HECW1: variants seen among roughly 807,000 people sequenced by gnomAD.
The protein encoded by HECW1 is E3 ubiquitin-protein ligase HECW1.
Under a neutral mutation model 182.3 loss-of-function variants are expected in HECW1, and 61 were observed. That is an observed-to-expected ratio of 0.33 (90% CI 0.27 to 0.41). The LOEUF (loss-of-function observed/expected upper bound fraction) is 0.41, where lower values mean the gene tolerates loss of function less well. Among genes scored for constraint, HECW1 ranks in the 10% least tolerant of loss-of-function variants. The pLI is 1.00. For missense variants in HECW1, 1,739 were observed against 2,108.9 expected (o/e 0.82, Z 3.44); for synonymous variants, 859 against 832.6 (o/e 1.03, Z -0.55).
At chr7:43,280,708 C>T (rs989165427) in intron 3 of HECW1, among the ~76,000 whole-genome samples, 28 of 152,170 alleles carry the variant, frequency 1.8e-4, no homozygotes, top group Non-Finnish European at 3.5e-4. Context: ...GGCTCATTCC[C>T]TTTACAACTT....
intron 24 of HECW1, among the ~76,000 whole-genome samples, chr7:43,510,455 T>C (rs2079808987): frequency 6.6e-6 from 1 of 152,198 alleles, no homozygotes; most frequent in South Asian, 2.1e-4. Flanking sequence ...TTAACAATTA[T>C]AAATTAAGCA....
rs549192364 is a variant in HECW1 at position 43,169,990 on chromosome 7, C to T, written c.-32+55599C>T. On this transcript the variant is annotated intron_variant, in intron 2 of 29. Transcript: ENST00000395891. ...CTGCCAACATCGTCTTTATCAGAACCGCTGGACAGATCATTTAATGCAGGG... is the reference window on the plus strand; with the variant it reads ...CTGCCAACATCGTCTTTATCAGAACTGCTGGACAGATCATTTAATGCAGGG... 2.6e-5 allele frequency among the ~76,000 whole-genome samples: 4 copies of T among 152,256 alleles called. No homozygotes were observed. The East Asian group carries it at 5.8e-4, about 22-fold the overall frequency.
intron 2 of HECW1, chr7:43,118,944 A>G (rs1421275328): frequency 6.6e-6 from 1 of 152,164 alleles, no homozygotes; most frequent in African/African-American, 2.4e-5. Context: ...TTTCTTTTTA[A>G]AGAATATGCT....
intron 3 of HECW1, among the ~76,000 whole-genome samples, chr7:43,305,049 T>A (rs889622540): frequency 6.6e-6 from 1 of 152,128 alleles, no homozygotes; most frequent in Non-Finnish European, 1.5e-5. Flanking sequence ...AGTGGAAGCT[T>A]TGGGGTAAAG....
intron 3 of HECW1, among the ~76,000 whole-genome samples, chr7:43,310,691 A>G (rs1020750018): frequency 2.0e-5 from 3 of 152,214 alleles, no homozygotes; most frequent in African/African-American, 7.2e-5. Context: ...ATCTAACTGA[A>G]AGAGTAGACT....
intron 12 of HECW1, among the ~76,000 whole-genome samples, chr7:43,452,757 G>A (rs1003738895): frequency 2.6e-5 from 4 of 152,332 alleles, no homozygotes; most frequent in African/African-American, 4.8e-5. Flanking sequence ...CTCTGAGTTC[G>A]TGTGGGGGTG....
At chr7:43,288,716 G>T (rs1443239528) in intron 3 of HECW1, among the ~76,000 whole-genome samples, 3 of 152,266 alleles carry the variant, frequency 2.0e-5, no homozygotes, top group Middle Eastern at 3.4e-3. Context: ...CAAAGGTTTT[G>T]TTGTCATTAT....
intron 17 of HECW1, among the ~76,000 whole-genome samples, chr7:43,489,919 C>G (rs949697690): frequency 1.1e-4 from 16 of 152,194 alleles, no homozygotes; most frequent in African/African-American, 3.6e-4. Flanking sequence ...AGCACTGGTC[C>G]TCATCACCTT....
chr7:43,384,388 T>C (rs2074683903), intron 6 of HECW1, among the ~76,000 whole-genome samples: 1 of 152,204 alleles, frequency 6.6e-6, no homozygotes, highest in Non-Finnish European at 1.5e-5. Flanking sequence ...CTGGAGGGAA[T>C]GTGGCAGCTG....
intron 23 of HECW1, 48 bp from the exon 24 acceptor site, chr7:43,508,921 C>T (rs759878646): frequency 1.3e-6 from 2 of 1,598,504 alleles, no homozygotes; most frequent in South Asian, 2.3e-5. Flanking sequence ...CAGGTCCCCC[C>T]ACCTCCGGGC....
At chr7:43,317,226 A>G (rs1475454311) in intron 4 of HECW1, among the ~76,000 whole-genome samples, 1 of 152,136 alleles carries the variant, frequency 6.6e-6, no homozygotes, top group Non-Finnish European at 1.5e-5. Context: ...CTGGACACCA[A>G]CAGGCAGTGG....
chr7:43,429,206 G>C (rs1473473370), intron 8 of HECW1, among the ~76,000 whole-genome samples: 2 of 146,886 alleles, frequency 1.4e-5, no homozygotes, highest in Admixed American at 1.4e-4. Context: ...GGAGAGAGAT[G>C]GTGAAGGCTT....
intron 24 of HECW1, among the ~76,000 whole-genome samples, chr7:43,535,011 A>T (rs1365624548): frequency 6.6e-6 from 1 of 152,220 alleles, no homozygotes; most frequent in East Asian, 1.9e-4. Flanking sequence ...AGTAGGTGCC[A>T]ATATGATTCC....
intron 5 of HECW1, among the ~76,000 whole-genome samples, chr7:43,334,891 A>G (rs1811928957): frequency 6.6e-6 from 1 of 152,186 alleles, no homozygotes; most frequent in Admixed American, 6.5e-5. Context: ...AGAAATTTGG[A>G]CCTACAGACA....
chr7:43,265,091 A>T (rs547025566), intron 3 of HECW1, among the ~76,000 whole-genome samples: 12 of 152,212 alleles, frequency 7.9e-5, no homozygotes, highest in Non-Finnish European at 1.8e-4. Context: ...TCATGGAAAC[A>T]AACAACCCTC....
At chr7:43,188,627 A>C (rs1437744279) in intron 2 of HECW1, among the ~76,000 whole-genome samples, 1 of 152,174 alleles carries the variant, frequency 6.6e-6, no homozygotes, top group Non-Finnish European at 1.5e-5. Flanking sequence ...GACACCTCTG[A>C]GATTGTTGGG....
At chr7:43,500,631 A>G (rs2079310638) in intron 19 of HECW1, 68 bp from the exon 20 acceptor site, 1 of 1,193,892 alleles carries the variant, frequency 8.4e-7, no homozygotes, top group Non-Finnish European at 1.3e-6. Flanking sequence ...ATAAGAGATC[A>G]GAAGAAAATG....
chr7:43,189,458 G>T (rs372701953), intron 2 of HECW1, among the ~76,000 whole-genome samples: 145 of 152,204 alleles, frequency 9.5e-4, no homozygotes, highest in African/African-American at 3.3e-3. Context: ...AATACAAAAA[G>T]AGATTGTGTG....
At position 43,543,186 on chromosome 7, in the gene HECW1, A is replaced by T. The variant is rs190488881; in HGVS notation, c.4248+1188A>T. Reference sequence around the variant, plus strand: ...GGGGAACCTCATTTTCTAGACCTAAAGTCTGTGACATAAGGTAATTCGTAA... The same window carrying T: ...GGGGAACCTCATTTTCTAGACCTAATGTCTGTGACATAAGGTAATTCGTAA... On this transcript the variant is annotated intron_variant, in intron 26 of 29. Transcript: ENST00000395891. Among the ~76,000 whole-genome samples, 3 of 152,342 alleles carry T rather than the reference A, an allele frequency of 2.0e-5. No individual in the cohort carries two copies. The East Asian group carries it at 5.8e-4, about 29-fold the overall frequency.
Sources: allele counts gnomAD v4.1 joint callset (sites outside exome capture counted in the v4.1 genomes callset), GRCh38; gene constraint gnomAD v4.1.1; transcripts MANE v1.5; gene names NCBI Gene and HGNC (gene_info 2026-07-23, HGNC 2026-07-21).